Variants in USHBP1 observed in about 807,000 individuals in gnomAD.
The protein encoded by USHBP1 is harmonin-binding protein USHBP1.
USHBP1 carries 67 observed loss-of-function variants against 76.2 expected under a neutral mutation model. That is an observed-to-expected ratio of 0.88 (90% CI 0.72 to 1.08). USHBP1 has a LOEUF of 1.08. USHBP1 is among the 50% of genes least tolerant of loss of function. The probability of loss-of-function intolerance (pLI) is 0.00; values close to 1 mark genes in which losing one functional copy is unlikely to be tolerated. For missense variants in USHBP1, 931 were observed against 915.0 expected (o/e 1.02, Z -0.23); for synonymous variants, 322 against 362.2 (o/e 0.89, Z 1.26).
In USHBP1 at chr19:17,251,954, C is replaced by T; in HGVS notation, c.1756G>A (p.Asp586Asn). Residue 586 changes from aspartate (D) to asparagine (N), a missense_variant, in exon 11 of 13, where the codon GAC becomes AAC. By Grantham distance (23) the Asp-to-Asn change is conservative. Coordinates refer to ENST00000252597, the MANE Select transcript of USHBP1 (RefSeq NM_031941.4). Reference sequence around the variant, plus strand: ...AGTTCCTGGGCTAACTTCTCTGGGTCCCAGGCTCTGCCCACCTGGCCACCA... The same window carrying T: ...AGTTCCTGGGCTAACTTCTCTGGGTTCCAGGCTCTGCCCACCTGGCCACCA... The part of the protein sequence containing the change: ...IDGGQVGRAW[D>N]PEKLAQELAA... 6.5e-7 allele frequency: 1 copy of T among 1,548,702 alleles called. No individual in the cohort carries two copies. Among genetic ancestry groups the T allele is most frequent in the Non-Finnish European group, 8.7e-7 (1 of 1,147,232 alleles).
intron 4 of USHBP1, among the ~76,000 whole-genome samples, chr19:17,261,447 T>G (rs1214391446): frequency 6.7e-6 from 1 of 150,212 alleles, no homozygotes; most frequent in African/African-American, 2.5e-5. Flanking sequence ...GCCATTCTCC[T>G]GCCTCAGCCT....
At position 17,262,545 on chromosome 19, in the gene USHBP1, C is replaced by A; in HGVS notation, c.642+7G>T. ...AGCCACATGGGACTCAGGATGGCCC[C>A]ACTCACCTCTTTCTGCAGCGTCTCC... On this transcript the variant is annotated splice_region_variant and intron_variant, in intron 4 of 12. Transcript: ENST00000252597. The A allele has an allele frequency of 6.3e-7, 1 of 1,597,474 alleles. No individual in the cohort carries two copies.
In USHBP1 at chr19:17,250,122, GCCC is replaced by G; in HGVS notation, c.*100_*102del. The G allele has an allele frequency of 2.9e-6, 4 of 1,371,294 alleles. No homozygotes were observed. The highest frequency in any genetic ancestry group is 3.9e-6 in the Non-Finnish European group (4 of 1,017,344). The allele number at this position is 1,371,294 out of a possible 1,614,324, so 84.9% of individuals were successfully genotyped here. A position where few individuals can be genotyped will look rare whatever the true frequency, so the allele number is the denominator to read the frequency against. On this transcript the variant is annotated 3_prime_UTR_variant, in exon 13 of 13. Coordinates refer to ENST00000252597, the MANE Select transcript of USHBP1 (RefSeq NM_031941.4). ...CACCAGCTTCCCTCACGCCAAATGT[GCCC>G]CAACATGCCAAATCATGCAACATGA...
chr19:17,257,900 C>T (rs778464522), intron 8 of USHBP1, among the ~76,000 whole-genome samples: 4 of 152,162 alleles, frequency 2.6e-5, no homozygotes, highest in Admixed American at 1.3e-4. Context: ...CTGCCTGCCT[C>T]GGCCTCCCAA....
chr19:17,250,047 T>A lies in USHBP1; in HGVS notation c.*178A>T, dbSNP rs2073529963. ...TGGTGCCAGGCCAAAGACACCTGAG[T>A]CTTTCTTCATTGCCTGGCCACACCC... is the stretch of plus-strand genomic sequence containing the variant. On this transcript the variant is annotated 3_prime_UTR_variant, in exon 13 of 13. Coordinates refer to ENST00000252597, the MANE Select transcript of USHBP1 (RefSeq NM_031941.4). 1.5e-6 allele frequency: 1 copy of A among 673,284 alleles called. No homozygotes were observed. The highest frequency in any genetic ancestry group is 2.0e-5 in the South Asian group (1 of 51,180). 41.7% of individuals were successfully genotyped at this position (673,284 alleles called of 1,614,324 possible).
At position 17,258,399 on chromosome 19, in the gene USHBP1, G is replaced by A. The variant is rs1249371176; in HGVS notation, c.1047-14C>T. On this transcript the variant is annotated splice_polypyrimidine_tract_variant and intron_variant, in intron 7 of 12. Transcript: ENST00000252597. ...TCACAGTGTTCACTGTGGGACACTG[G>A]TTCTGAGTGCTTCAGGACACTCAGC... is the stretch of plus-strand genomic sequence containing the variant. 6.2e-7 allele frequency: 1 copy of A among 1,609,818 alleles called. No homozygotes were observed.
At position 17,259,276 on chromosome 19, in the gene USHBP1, A is replaced by G; in HGVS notation, c.1046+13T>C. 1 of 1,585,728 alleles carries G rather than the reference A, an allele frequency of 6.3e-7. No homozygotes were observed. The highest frequency in any genetic ancestry group is 8.6e-7 in the Non-Finnish European group (1 of 1,164,102). The stretch of plus-strand genomic sequence containing the variant: ...CTCCCCAGCTGGTGACATCACTGGC[A>G]GGGTGCACTGACCTGTACTGCAAGG... On this transcript the variant is annotated intron_variant, in intron 7 of 12. Coordinates refer to ENST00000252597, the MANE Select transcript of USHBP1 (RefSeq NM_031941.4).
chr19:17,253,903 A>G (rs944451217), intron 10 of USHBP1, among the ~76,000 whole-genome samples: 12 of 150,598 alleles, frequency 8.0e-5, no homozygotes, highest in African/African-American at 2.9e-4. Flanking sequence ...CCAAAAAAAA[A>G]AAAAAAGAAA....
At chr19:17,263,772 T>A (rs2073719004) in intron 3 of USHBP1, 1 of 507,390 alleles carries the variant, frequency 2.0e-6, no homozygotes, top group Non-Finnish European at 3.3e-6. Flanking sequence ...CTCAGGAAGC[T>A]GAGGCTCCCG....
chr19:17,250,181 T>C lies in USHBP1; in HGVS notation c.*44A>G. 9.0e-6 allele frequency: 14 copies of C among 1,559,882 alleles called. No homozygotes were observed. The highest frequency in any genetic ancestry group is 1.2e-5 in the Non-Finnish European group (14 of 1,152,568). ...TGTCACTCCAGGACAGTTTATGACA[T>C]GCCACAGCTGTCTGGCATGTCCAGA... On this transcript the variant is annotated 3_prime_UTR_variant, in exon 13 of 13. Coordinates refer to ENST00000252597, the MANE Select transcript of USHBP1 (RefSeq NM_031941.4).
chr19:17,261,107 A>G (rs1350474456), intron 4 of USHBP1, among the ~76,000 whole-genome samples: 1 of 151,622 alleles, frequency 6.6e-6, no homozygotes, highest in African/African-American at 2.4e-5. Flanking sequence ...CAGGGCTCTC[A>G]CCTTAATCCA....
At chr19:17,257,641 T>C (rs1213007802) in intron 8 of USHBP1, among the ~76,000 whole-genome samples, 2 of 79,806 alleles carry the variant, frequency 2.5e-5, no homozygotes, top group Non-Finnish European at 2.2e-5. Flanking sequence ...AAACTCTGTC[T>C]CAAAAAAAAA....
chr19:17,252,856 T>C (rs2073568954), intron 10 of USHBP1, among the ~76,000 whole-genome samples: 2 of 150,624 alleles, frequency 1.3e-5, no homozygotes, highest in Non-Finnish European at 1.5e-5. Flanking sequence ...CACTGCACTC[T>C]AGCCTGAGCA....
chr19:17,259,032 G>T (rs1165197146), intron 7 of USHBP1, among the ~76,000 whole-genome samples: 3 of 151,970 alleles, frequency 2.0e-5, no homozygotes, highest in Non-Finnish European at 4.4e-5. Context: ...GGCTATGGTG[G>T]CATACACCTG....
In USHBP1 at chr19:17,264,002, C is replaced by T. The variant is rs1421009709; in HGVS notation, c.203G>A (p.Arg68Lys). ...EEVSGQGLGS[R>K]TDKKMDGGSG... is the part of the protein sequence containing the mutation. Reference sequence around the variant, plus strand: ...AGGGCACAGACCAAGCGGGTCTTACCTGCTTCCTAGGCCTTGGCCACTGAC... The same window carrying T: ...AGGGCACAGACCAAGCGGGTCTTACTTGCTTCCTAGGCCTTGGCCACTGAC... The change falls in exon 3 of 13, where the codon AGG becomes AAG. Residue 68 changes from arginine to lysine, a missense_variant and splice_region_variant. Physicochemically the swap from Arg to Lys is conservative, Grantham distance 26. Coordinates refer to ENST00000252597, the MANE Select transcript of USHBP1 (RefSeq NM_031941.4). The T allele has an allele frequency of 1.3e-6, 2 of 1,581,480 alleles. No homozygotes were observed. The highest frequency in any genetic ancestry group is 1.7e-6 in the Non-Finnish European group (2 of 1,164,144).
chr19:17,256,738 G>A lies in USHBP1; in HGVS notation c.1221-18C>T, dbSNP rs1384484600. On this transcript the variant is annotated intron_variant, in intron 8 of 12. Coordinates refer to ENST00000252597, the MANE Select transcript of USHBP1 (RefSeq NM_031941.4). ...CTTCAGGGCTATAGAAAACAGAAAA[G>A]GTGCCTATGTCAACACTGGCAGGCA... 2 of 1,613,728 alleles carry A rather than the reference G, an allele frequency of 1.2e-6. No individual in the cohort carries two copies. The highest frequency in any genetic ancestry group is 2.7e-5 in the African/African-American group (2 of 74,902).
chr19:17,256,494 G>C lies in USHBP1; in HGVS notation c.1447C>G (p.Gln483Glu), dbSNP rs749267972. The C allele has an allele frequency of 6.2e-7, 1 of 1,613,708 alleles. No individual in the cohort carries two copies. Among genetic ancestry groups the C allele is most frequent in the Non-Finnish European group, 8.5e-7 (1 of 1,180,036 alleles). The part of the protein sequence containing the change: ...ALPRLEKTQI[Q>E]QDLVAAREAL... Reference sequence around the variant, plus strand: ...ACCCTTGCGGCCACCAGGTCCTGCTGAATTTGTGTCTTCTCCAGTCGGGGA... The same window carrying C: ...ACCCTTGCGGCCACCAGGTCCTGCTCAATTTGTGTCTTCTCCAGTCGGGGA... The change falls in exon 9 of 13, where the codon CAG (glutamine) becomes GAG (glutamate). Residue 483 changes from glutamine (Q) to glutamate (E), a missense_variant. Transcript: ENST00000252597.
In USHBP1 at chr19:17,264,098, C is replaced by T. The variant is rs1052018738; in HGVS notation, c.107G>A (p.Gly36Glu). Reference sequence around the variant, plus strand: ...TGGGGCAAAGCTGGGCTTGGAGCTCCCACTGGCTGCCTCGACCTCCTCTGA... The same window carrying T: ...TGGGGCAAAGCTGGGCTTGGAGCTCTCACTGGCTGCCTCGACCTCCTCTGA... ...ESSEEVEAAS[G>E]SSKPSFAPPP... Residue 36 changes from glycine to glutamate, a missense_variant, in exon 3 of 13, where the codon GGG (glycine) becomes GAG (glutamate). Physicochemically the swap from Gly to Glu is moderately conservative, Grantham distance 98. Coordinates refer to ENST00000252597, the MANE Select transcript of USHBP1 (RefSeq NM_031941.4). The T allele has an allele frequency of 1.6e-5, 26 of 1,613,964 alleles. No individual in the cohort carries two copies. Among genetic ancestry groups the T allele is most frequent in the African/African-American group, 2.7e-5 (2 of 74,936 alleles).
chr19:17,251,906 C>T lies in USHBP1; in HGVS notation c.1799+5G>A. 2 of 1,538,694 alleles carry T rather than the reference C, an allele frequency of 1.3e-6. No homozygotes were observed. Among genetic ancestry groups the T allele is most frequent in the Non-Finnish European group, 1.7e-6 (2 of 1,144,428 alleles). On this transcript the variant is annotated splice_donor_5th_base_variant and intron_variant, in intron 11 of 12. Coordinates refer to ENST00000252597, the MANE Select transcript of USHBP1 (RefSeq NM_031941.4). ...CCCCGCACAGCCCAGGACCCAGGCA[C>T]ACACCTGGTGAGCGATGCTGCCAGT...
Sources: allele counts gnomAD v4.1 joint callset (sites outside exome capture counted in the v4.1 genomes callset), GRCh38; gene constraint gnomAD v4.1.1; transcripts MANE v1.5; gene names NCBI Gene and HGNC (gene_info 2026-07-23, HGNC 2026-07-21).